The following MSRA variants were observed in gnomAD, a reference collection of about 807,000 sequenced individuals.
MSRA encodes methionine sulfoxide reductase A, also known as mitochondrial peptide methionine sulfoxide reductase.
Under a neutral mutation model 31.3 loss-of-function variants are expected in MSRA, and 54 were observed. That is an observed-to-expected ratio of 1.73 (90% confidence interval 1.39 to 2.17). The LOEUF (loss-of-function observed/expected upper bound fraction) is 2.17, where lower values mean the gene tolerates loss of function less well. Among genes scored for constraint, MSRA ranks in the 30% most tolerant of loss-of-function variants. The probability of loss-of-function intolerance (pLI) is 0.00; values close to 1 mark genes in which losing one functional copy is unlikely to be tolerated. For missense variants in MSRA, 507 were observed against 300.9 expected (o/e 1.69, Z -5.07); for synonymous variants, 169 against 116.5 (o/e 1.45, Z -2.90).
intron 1 of MSRA, among the ~76,000 whole-genome samples, chr8:10,070,129 G>A (rs60465334): frequency 0.11 from 16,435 of 152,228 alleles, 987 homozygotes; most frequent in African/African-American, 0.15. Context: ...CTGTGATGAT[G>A]AATACTTTGG....
chr8:10,301,321 C>G (rs571708828), intron 3 of MSRA, among the ~76,000 whole-genome samples: 2 of 152,266 alleles, frequency 1.3e-5, no homozygotes, highest in Admixed American at 6.5e-5. Flanking sequence ...GTCATCGCAG[C>G]AAGCTCCCTG....
chr8:10,282,966 C>T (rs1274935503), intron 3 of MSRA, among the ~76,000 whole-genome samples: 1 of 152,072 alleles, frequency 6.6e-6, no homozygotes, highest in African/African-American at 2.4e-5. Flanking sequence ...AGTCCTAACC[C>T]TTAGAAAATG....
chr8:10,267,117 A>AT (rs1585316522), intron 3 of MSRA, among the ~76,000 whole-genome samples: 1 of 152,104 alleles, frequency 6.6e-6, no homozygotes, highest in African/African-American at 2.4e-5. Context: ...CCAGTTTAAA[A>AT]CCTTGTCAAC....
chr8:10,416,569 T>C (rs1189709366), intron 5 of MSRA, among the ~76,000 whole-genome samples: 3 of 152,224 alleles, frequency 2.0e-5, no homozygotes, highest in African/African-American at 7.2e-5. Context: ...TTATAGCGTC[T>C]GCCTGGAGAC....
At chr8:10,341,740 T>A (rs1441556144) in intron 5 of MSRA, among the ~76,000 whole-genome samples, 2 of 152,166 alleles carry the variant, frequency 1.3e-5, no homozygotes, top group East Asian at 1.9e-4. Flanking sequence ...AGGTTGATGG[T>A]GTGACGTAAG....
At position 10,077,171 on chromosome 8, in the gene MSRA, C is replaced by T. The variant is rs115888047; in HGVS notation, c.142+22513C>T. On this transcript the variant is annotated intron_variant, in intron 1 of 5. Transcript: ENST00000317173. The stretch of plus-strand genomic sequence containing the variant: ...AGAACATCAGGAAGAAATGGATGGT[C>T]GGCCACAGCCATTGCATTTGACAAC... Among the ~76,000 whole-genome samples the T allele has an allele frequency of 8.3e-3, 1,266 of 152,176 alleles. 15 individuals carry two copies. The highest frequency in any genetic ancestry group is 0.028 in the African/African-American group (1,147 of 41,520).
chr8:10,378,619 C>A lies in MSRA; in HGVS notation c.544-49529C>A, dbSNP rs1321218795. Among the ~76,000 whole-genome samples, 48 of 152,180 alleles carry A rather than the reference C, an allele frequency of 3.2e-4. 1 individual carries two copies. Among genetic ancestry groups the A allele is most frequent in the Admixed American group, 3.1e-3 (47 of 15,288 alleles). Reference sequence around the variant, plus strand: ...CCTCACCACGTGGGCTCCTAACATCCCCCTCAGCAGCTCCGCGTCCCTTCT... The same window carrying A: ...CCTCACCACGTGGGCTCCTAACATCACCCTCAGCAGCTCCGCGTCCCTTCT... On this transcript the variant is annotated intron_variant, in intron 5 of 5. Transcript: ENST00000317173.
At chr8:10,230,857 T>C (rs1255221060) in intron 2 of MSRA, among the ~76,000 whole-genome samples, 1 of 152,202 alleles carries the variant, frequency 6.6e-6, no homozygotes, top group Non-Finnish European at 1.5e-5. Context: ...TGATTTTGGC[T>C]CACTGCAACC....
At chr8:10,335,756 G>C (rs1803000622) in intron 5 of MSRA, among the ~76,000 whole-genome samples, 1 of 152,232 alleles carries the variant, frequency 6.6e-6, no homozygotes, top group Non-Finnish European at 1.5e-5. Flanking sequence ...GCTGTGGTTG[G>C]TCACCTGCCT....
chr8:10,080,402 G>A (rs1798234549), intron 1 of MSRA, among the ~76,000 whole-genome samples: 1 of 151,754 alleles, frequency 6.6e-6, no homozygotes, highest in African/African-American at 2.4e-5. Context: ...TGAAACTCAG[G>A]CAGTTTGGAA....
intron 1 of MSRA, among the ~76,000 whole-genome samples, chr8:10,190,961 G>T (rs752516005): frequency 4.6e-5 from 7 of 152,170 alleles, no homozygotes; most frequent in Non-Finnish European, 1.5e-5. Flanking sequence ...GCCATGACTG[G>T]TCGATCAGCT....
chr8:10,401,016 C>T (rs767346239), intron 5 of MSRA, among the ~76,000 whole-genome samples: 2 of 151,726 alleles, frequency 1.3e-5, no homozygotes, highest in African/African-American at 2.4e-5. Flanking sequence ...GGATATGACA[C>T]CAAAAGCACA....
intron 1 of MSRA, among the ~76,000 whole-genome samples, chr8:10,107,195 C>T (rs1385255): frequency 0.049 from 7,490 of 152,016 alleles, 259 homozygotes; most frequent in South Asian, 0.11. Flanking sequence ...CCCTCTGCAA[C>T]TCAGAGGGAG....
rs1051692137 is a variant in MSRA at position 10,250,797 on chromosome 8, C to T, written c.331+5574C>T. On this transcript the variant is annotated intron_variant, in intron 3 of 5. Coordinates refer to ENST00000317173, the MANE Select transcript of MSRA (RefSeq NM_012331.5). ...CCGTTTCCTCTCTTGTAAAATGGGG[C>T]AATGCTGCTTGATGAAACCAGTCAA... 9.9e-5 allele frequency: 27 copies of T among 272,076 alleles called. 1 individual carries two copies. Among genetic ancestry groups the T allele is most frequent in the African/African-American group, 5.2e-4 (24 of 46,106 alleles). 16.9% of individuals were successfully genotyped at this position (272,076 alleles called of 1,614,324 possible).
At chr8:10,055,103 A>G (rs62488688) in intron 1 of MSRA, among the ~76,000 whole-genome samples, 19,818 of 152,164 alleles carry the variant, frequency 0.13, 1,541 homozygotes, top group East Asian at 0.23. Flanking sequence ...GTCCCGGGAA[A>G]TGCCGGAATG....
intron 1 of MSRA, among the ~76,000 whole-genome samples, chr8:10,067,012 A>G (rs1797486338): frequency 6.6e-6 from 1 of 151,978 alleles, no homozygotes; most frequent in Non-Finnish European, 1.5e-5. Flanking sequence ...ATATAGATAC[A>G]TTATTATTAA....
intron 1 of MSRA, among the ~76,000 whole-genome samples, chr8:10,148,812 A>T (rs1232987342): frequency 7.9e-6 from 1 of 125,814 alleles, no homozygotes; most frequent in Non-Finnish European, 1.6e-5. Context: ...AAAAAAAAAA[A>T]AAAAGGAAAC....
chr8:10,353,754 A>G, intron 5 of MSRA: 1 of 390,930 alleles, frequency 2.6e-6, no homozygotes, highest in South Asian at 1.9e-5. Context: ...CCAGCAGAGG[A>G]CAGGGTTCCA....
chr8:10,248,566 A>G (rs1797752081), intron 3 of MSRA, among the ~76,000 whole-genome samples: 1 of 152,220 alleles, frequency 6.6e-6, no homozygotes, highest in Non-Finnish European at 1.5e-5. Flanking sequence ...GGGAGAAGTG[A>G]GCGAGAGAGT....
Sources: allele counts gnomAD v4.1 joint callset (sites outside exome capture counted in the v4.1 genomes callset), GRCh38; gene constraint gnomAD v4.1.1; transcripts MANE v1.5; gene names NCBI Gene and HGNC (gene_info 2026-07-23, HGNC 2026-07-21).